ARHGAP19: variants seen among roughly 807,000 people sequenced by gnomAD.
ARHGAP19 encodes Rho GTPase activating protein 19, also known as rho GTPase-activating protein 19.
In ARHGAP19, 48 loss-of-function variants were observed where a neutral mutation model predicts 60.9. That is an observed-to-expected ratio of 0.79 (90% confidence interval 0.62 to 1.00). The LOEUF is 1.00. ARHGAP19 is among the 50% of genes least tolerant of loss of function. ARHGAP19 has a pLI of 0.00. For missense variants in ARHGAP19, 562 were observed against 597.2 expected (o/e 0.94, Z 0.61); for synonymous variants, 209 against 215.5 (o/e 0.97, Z 0.27).
At chr10:97,265,784 G>A (rs1842890104) in intron 2 of ARHGAP19, 76 bp downstream of exon 2, 10 of 1,536,590 alleles carry the variant, frequency 6.5e-6, no homozygotes, top group Non-Finnish European at 8.8e-6. Flanking sequence ...CAACTCTTCG[G>A]TGAATGTGTA....
At chr10:97,251,180 AG>A (rs1842642879) in intron 6 of ARHGAP19, among the ~76,000 whole-genome samples, 1 of 55,658 alleles carries the variant, frequency 1.8e-5, no homozygotes, top group African/African-American at 7.5e-5. Flanking sequence ...GGGAAGGGAA[AG>A]GGAAAGGAAG....
intron 11 of ARHGAP19, among the ~76,000 whole-genome samples, chr10:97,228,862 C>T (rs1284196435): frequency 6.6e-6 from 1 of 152,188 alleles, no homozygotes; most frequent in East Asian, 1.9e-4. Flanking sequence ...TAATTTGCTT[C>T]GCAAGTATTC....
intron 4 of ARHGAP19, among the ~76,000 whole-genome samples, chr10:97,261,465 A>T (rs1483529477): frequency 6.6e-6 from 1 of 152,224 alleles, no homozygotes; most frequent in Non-Finnish European, 1.5e-5. Flanking sequence ...AATGAACTGA[A>T]CTGGAAAGCA....
chr10:97,247,989 G>A (rs141647868), intron 6 of ARHGAP19, among the ~76,000 whole-genome samples: 38 of 130,888 alleles, frequency 2.9e-4, no homozygotes, highest in Middle Eastern at 9.8e-3. Flanking sequence ...TTTTTGAGAC[G>A]GAGTCTCACT....
chr10:97,241,515 ACCAG>A (rs1842481306), intron 8 of ARHGAP19, among the ~76,000 whole-genome samples: 1 of 151,816 alleles, frequency 6.6e-6, no homozygotes, highest in Non-Finnish European at 1.5e-5. Flanking sequence ...GGAGTTCAAG[ACCAG>A]CCTGGCCAAC....
In ARHGAP19 at chr10:97,231,059, CAAAAAAAAAAAAA is replaced by C. The variant is rs869291841; in HGVS notation, c.1285-1198_1285-1186del. ...ACACCTAGTGAGACTCTTGTCTCAC[CAAAAAAAAAAAAA>C]AAAAAAAAAAAAAAAAAGACTAACA... On this transcript the variant is annotated intron_variant, in intron 9 of 11. Coordinates refer to ENST00000358531, the MANE Select transcript of ARHGAP19 (RefSeq NM_032900.6). Among the ~76,000 whole-genome samples, 18 of 59,766 alleles carry C rather than the reference CAAAAAAAAAAAAA, an allele frequency of 3.0e-4. No individual in the cohort carries two copies. The East Asian group carries it at 8.0e-3, about 27-fold the overall frequency. 39.2% of individuals were successfully genotyped at this position (59,766 alleles called of 152,430 possible).
At chr10:97,245,107 G>C (rs987438975) in intron 7 of ARHGAP19, among the ~76,000 whole-genome samples, 10 of 151,996 alleles carry the variant, frequency 6.6e-5, no homozygotes, top group African/African-American at 2.4e-4. Flanking sequence ...CTGAGCTCAA[G>C]TGATCCGCCC....
At chr10:97,262,612 C>A (rs1473281451) in intron 4 of ARHGAP19, among the ~76,000 whole-genome samples, 1 of 152,094 alleles carries the variant, frequency 6.6e-6, no homozygotes, top group Non-Finnish European at 1.5e-5. Context: ...TTGCAGTGAG[C>A]CGAGATTGCA....
Position 97,288,915 on chromosome 10 carries a change from A to G in ARHGAP19, c.56+3657T>C, listed in dbSNP as rs113233072. Among the ~76,000 whole-genome samples, 93 of 148,802 alleles carry G rather than the reference A, an allele frequency of 6.2e-4. 2 individuals carry two copies. Among genetic ancestry groups the G allele is most frequent in the African/African-American group, 1.7e-3 (67 of 39,942 alleles). ...CTGCAACCTCTGCCTCCCGGATTCA[A>G]GCGATTCTCCTGCCTCAGCCTCCCG... On this transcript the variant is annotated intron_variant, in intron 1 of 11. Coordinates refer to ENST00000358531, the MANE Select transcript of ARHGAP19 (RefSeq NM_032900.6).
chr10:97,281,993 A>C (rs556445429), intron 1 of ARHGAP19, among the ~76,000 whole-genome samples: 1 of 152,196 alleles, frequency 6.6e-6, no homozygotes, highest in East Asian at 1.9e-4. Context: ...AGTTACAGAG[A>C]TAGCACAGTG....
chr10:97,274,854 G>C (rs905235361), intron 1 of ARHGAP19, among the ~76,000 whole-genome samples: 4 of 152,178 alleles, frequency 2.6e-5, no homozygotes, highest in Admixed American at 6.5e-5. Flanking sequence ...CCCAAAGAAT[G>C]ATAGAGGCAA....
rs530662272 is a variant in ARHGAP19 at position 97,282,512 on chromosome 10, A to G, written c.56+10060T>C. Among the ~76,000 whole-genome samples the G allele has an allele frequency of 1.2e-4, 18 of 151,678 alleles. No homozygotes were observed. In the South Asian group the frequency reaches 3.7e-3, roughly 31 times the overall value. ...TTAAGCTAGTTTTAGTTTCTATCAC[A>G]TATAACTGAAGAATCCTAACAAATA... On this transcript the variant is annotated intron_variant, in intron 1 of 11. Transcript: ENST00000358531.
chr10:97,292,534 G>A, intron 1 of ARHGAP19, 38 bp downstream of exon 1: 1 of 1,613,726 alleles, frequency 6.2e-7, no homozygotes, highest in South Asian at 1.1e-5. Context: ...CCAGCCCAAG[G>A]CCGCGTTTCC....
At chr10:97,252,626 AAAAT>A (rs1178576043) in intron 6 of ARHGAP19, among the ~76,000 whole-genome samples, 1 of 152,112 alleles carries the variant, frequency 6.6e-6, no homozygotes, top group East Asian at 1.9e-4. Context: ...CCATCTCAAA[AAAAT>A]AAATAAATAA....
intron 1 of ARHGAP19, among the ~76,000 whole-genome samples, chr10:97,288,578 T>TAA (rs923536030): frequency 1.0e-4 from 12 of 114,334 alleles, no homozygotes; most frequent in African/African-American, 3.6e-4. Context: ...AGACTCCATC[T>TAA]AAAAAAAAAA....
chr10:97,289,404 G>A (rs955691842), intron 1 of ARHGAP19, among the ~76,000 whole-genome samples: 25 of 152,172 alleles, frequency 1.6e-4, no homozygotes, highest in South Asian at 1.2e-3. Flanking sequence ...GTGAGCCATC[G>A]CACCTGGCCC....
chr10:97,244,262 T>C, intron 7 of ARHGAP19, 103 bp from the exon 8 acceptor site: 1 of 784,994 alleles, frequency 1.3e-6, no homozygotes. Context: ...GGGGACATGG[T>C]ATACTCCTAT....
At chr10:97,261,941 G>C (rs1351093323) in intron 4 of ARHGAP19, among the ~76,000 whole-genome samples, 1 of 152,098 alleles carries the variant, frequency 6.6e-6, no homozygotes, top group Non-Finnish European at 1.5e-5. Context: ...GATACAGTAA[G>C]TGAAAAAAGC....
At chr10:97,226,234 C>A in intron 11 of ARHGAP19, 102 bp from the exon 12 acceptor site, 1 of 1,181,172 alleles carries the variant, frequency 8.5e-7, no homozygotes, top group Non-Finnish European at 1.2e-6. Context: ...ATATTTTCTC[C>A]AAACTGAAGG....
Sources: gnomAD v4.1 joint callset for allele counts (sites outside exome capture counted in the v4.1 genomes callset) on GRCh38, gnomAD v4.1.1 for gene constraint, MANE v1.5 for transcripts, NCBI Gene and HGNC (gene_info 2026-07-23, HGNC 2026-07-21) for gene names.